The following RASEF variants were observed in gnomAD, a reference collection of about 807,000 sequenced individuals.
RASEF encodes ras and EF-hand domain-containing protein.
RASEF carries 68 observed loss-of-function variants against 90.1 expected under a neutral mutation model. The ratio of observed to expected loss-of-function variants is 0.75; its 90% CI spans 0.62 to 0.92. RASEF has a LOEUF of 0.92. Among genes scored for constraint, RASEF ranks in the 40% least tolerant of loss-of-function variants. The pLI is 0.00. For synonymous variants in RASEF, 331 were observed against 345.2 expected (o/e 0.96, Z 0.46); for missense variants, 949 against 937.2 (o/e 1.01, Z -0.16).
chr9:83,000,367 T>C, intron 11 of RASEF, 51 bp from the exon 12 acceptor site: 1 of 1,611,302 alleles, frequency 6.2e-7, no homozygotes. Flanking sequence ...GTTTTCATCC[T>C]AATAAGTAAC....
chr9:83,007,114 A>T (rs889597219), intron 7 of RASEF, among the ~76,000 whole-genome samples: 2 of 146,000 alleles, frequency 1.4e-5, no homozygotes, highest in African/African-American at 5.2e-5. Flanking sequence ...AAAAAAACTC[A>T]CGGTACAGAA....
chr9:83,194,303 G>A, the RASEF span, among the ~76,000 whole-genome samples: 4 of 152,062 alleles, frequency 2.6e-5, no homozygotes, highest in Non-Finnish European at 5.9e-5. Flanking sequence ...TCATGACCTT[G>A]ACACTTTGAG....
At chr9:83,173,160 T>A in the RASEF span, among the ~76,000 whole-genome samples, 1 of 152,034 alleles carries the variant, frequency 6.6e-6, no homozygotes. Context: ...TTTCAATTGC[T>A]GTTTTTAGAG....
the RASEF span, among the ~76,000 whole-genome samples, chr9:83,129,893 C>T: frequency 6.6e-6 from 1 of 152,186 alleles, no homozygotes; most frequent in African/African-American, 2.4e-5. Flanking sequence ...CACAAGGAAA[C>T]AATACATCCT....
chr9:83,056,438 CTA>C (rs1830105665), intron 1 of RASEF, among the ~76,000 whole-genome samples: 1 of 152,118 alleles, frequency 6.6e-6, no homozygotes, highest in Non-Finnish European at 1.5e-5. Context: ...CAAGTGCTAC[CTA>C]AATTGTAATA....
the RASEF span, among the ~76,000 whole-genome samples, chr9:83,070,153 A>G: frequency 6.6e-6 from 1 of 151,746 alleles, no homozygotes; most frequent in South Asian, 2.1e-4. Context: ...AATTCAACTT[A>G]TCAGTTTTTC....
At chr9:83,009,972 A>T (rs1829210332) in intron 5 of RASEF, among the ~76,000 whole-genome samples, 2 of 152,142 alleles carry the variant, frequency 1.3e-5, no homozygotes, top group Admixed American at 1.3e-4. Flanking sequence ...GTCATTCTTC[A>T]TTTTTTTATG....
chr9:83,111,909 G>A, the RASEF span, among the ~76,000 whole-genome samples: 1 of 151,898 alleles, frequency 6.6e-6, no homozygotes, highest in East Asian at 1.9e-4. Context: ...AATAATACTT[G>A]TAATAGCTGT....
At chr9:83,169,565 G>T in the RASEF span, among the ~76,000 whole-genome samples, 1 of 151,398 alleles carries the variant, frequency 6.6e-6, no homozygotes, top group Non-Finnish European at 1.5e-5. Context: ...TGTTTGGTTG[G>T]TTTTTTTGTT....
At chr9:83,129,870 A>G in the RASEF span, among the ~76,000 whole-genome samples, 1 of 152,250 alleles carries the variant, frequency 6.6e-6, no homozygotes. Flanking sequence ...GTTGACTTAA[A>G]AGAAATATGC....
At chr9:83,078,494 T>C in the RASEF span, among the ~76,000 whole-genome samples, 2 of 152,000 alleles carry the variant, frequency 1.3e-5, no homozygotes, top group African/African-American at 4.8e-5. Flanking sequence ...TAGTGAAACC[T>C]GTCTCTAAAA....
chr9:83,037,901 A>G (rs757821659), intron 1 of RASEF, among the ~76,000 whole-genome samples: 3 of 152,118 alleles, frequency 2.0e-5, no homozygotes, highest in Non-Finnish European at 2.9e-5. Flanking sequence ...TTAATTGAAA[A>G]GTAAGCCTGA....
intron 1 of RASEF, among the ~76,000 whole-genome samples, chr9:83,029,481 C>T (rs1829605289): frequency 6.6e-6 from 1 of 151,736 alleles, no homozygotes; most frequent in Non-Finnish European, 1.5e-5. Flanking sequence ...CAACCTCCGC[C>T]TCCCAGGTTC....
chr9:83,053,243 A>C (rs1409120294), intron 1 of RASEF, among the ~76,000 whole-genome samples: 1 of 74,680 alleles, frequency 1.3e-5, no homozygotes, highest in Non-Finnish European at 2.4e-5. Context: ...TTGGGTGCAT[A>C]AATATTTAGG....
chr9:83,210,278 A>G, the RASEF span, among the ~76,000 whole-genome samples: 2 of 152,242 alleles, frequency 1.3e-5, no homozygotes, highest in African/African-American at 4.8e-5. Flanking sequence ...GAAACCCTTC[A>G]TGCACTTCAA....
the RASEF span, among the ~76,000 whole-genome samples, chr9:83,123,335 C>T: frequency 6.6e-6 from 1 of 152,058 alleles, no homozygotes; most frequent in Admixed American, 6.5e-5. Flanking sequence ...TAAAGACTCC[C>T]TCTGTAGGTG....
intron 12 of RASEF, among the ~76,000 whole-genome samples, chr9:82,999,107 ACAAT>A (rs1238281813): frequency 6.6e-6 from 1 of 152,122 alleles, no homozygotes; most frequent in Admixed American, 6.5e-5. Flanking sequence ...TGTGAAGAGG[ACAAT>A]CAGTCTGTTC....
chr9:83,129,861 T>A, the RASEF span, among the ~76,000 whole-genome samples: 1 of 152,208 alleles, frequency 6.6e-6, no homozygotes, highest in Non-Finnish European at 1.5e-5. Context: ...ACAAAACACG[T>A]TGACTTAAAA....
intron 5 of RASEF, among the ~76,000 whole-genome samples, chr9:83,010,326 C>G (rs1363337638): frequency 6.6e-6 from 1 of 152,082 alleles, no homozygotes; most frequent in African/African-American, 2.4e-5. Flanking sequence ...CAAAACCTCA[C>G]TAAAATGAAA....
Sources: gnomAD v4.1 joint callset for allele counts (sites outside exome capture counted in the v4.1 genomes callset) on GRCh38, gnomAD v4.1.1 for gene constraint, MANE v1.5 for transcripts, NCBI Gene and HGNC (gene_info 2026-07-23, HGNC 2026-07-21) for gene names.